ARHGEF12: variants seen among roughly 807,000 people sequenced by gnomAD.
The protein encoded by ARHGEF12 is Rho guanine nucleotide exchange factor 12.
Under a neutral mutation model 211.2 loss-of-function variants are expected in ARHGEF12, and 66 were observed. The ratio of observed to expected loss-of-function variants is 0.31; its 90% confidence interval spans 0.26 to 0.38. The LOEUF is 0.38. ARHGEF12 is among the 10% of genes least tolerant of loss of function. The pLI, the probability that ARHGEF12 is intolerant of heterozygous loss-of-function variation, is 1.00. For synonymous variants in ARHGEF12, 592 were observed against 638.4 expected, an observed-to-expected ratio of 0.93 and a Z score of 1.09; for missense variants, 1,429 against 1,869.5, an observed-to-expected ratio of 0.76 and a Z score of 4.34.
chr11:120,360,145 C>T (rs1943239921), intron 1 of ARHGEF12, among the ~76,000 whole-genome samples: 1 of 152,004 alleles, frequency 6.6e-6, no homozygotes, highest in South Asian at 2.1e-4. Flanking sequence ...CTAAAGTGGA[C>T]ATTTCAGGCT....
chr11:120,403,597 C>T (rs1017695785), intron 1 of ARHGEF12, among the ~76,000 whole-genome samples: 3 of 151,550 alleles, frequency 2.0e-5, no homozygotes, highest in Non-Finnish European at 4.4e-5. Flanking sequence ...AATCATCGTT[C>T]TTCATTTTGG....
chr11:120,374,817 T>C (rs904505395), intron 1 of ARHGEF12, among the ~76,000 whole-genome samples: 2 of 152,214 alleles, frequency 1.3e-5, no homozygotes, highest in South Asian at 2.1e-4. Context: ...ATTCATTACA[T>C]TGAGTCATAC....
intron 1 of ARHGEF12, among the ~76,000 whole-genome samples, chr11:120,380,523 C>T (rs1043445149): frequency 2.0e-5 from 3 of 152,140 alleles, no homozygotes; most frequent in African/African-American, 4.8e-5. Context: ...TTGTAGAATG[C>T]CCCCCAGTCT....
intron 23 of ARHGEF12, 52 bp from the exon 24 acceptor site, chr11:120,457,669 G>T: frequency 1.4e-6 from 2 of 1,440,450 alleles, no homozygotes; most frequent in Non-Finnish European, 1.9e-6. Context: ...TGGTATAAAT[G>T]TATTGATCAC....
chr11:120,383,946 A>G (rs1246251787), intron 1 of ARHGEF12, among the ~76,000 whole-genome samples: 1 of 152,156 alleles, frequency 6.6e-6, no homozygotes, highest in East Asian at 1.9e-4. Context: ...GTTGGCTTCA[A>G]GTTCTAAGCT....
At chr11:120,367,801 T>C (rs968418312) in intron 1 of ARHGEF12, among the ~76,000 whole-genome samples, 16 of 152,138 alleles carry the variant, frequency 1.1e-4, no homozygotes, top group Non-Finnish European at 1.8e-4. Context: ...TGAGACCCTG[T>C]CTCTACAAAG....
intron 15 of ARHGEF12, among the ~76,000 whole-genome samples, chr11:120,442,996 T>G (rs573700708): frequency 6.6e-6 from 1 of 151,814 alleles, no homozygotes; most frequent in Non-Finnish European, 1.5e-5. Flanking sequence ...CTCTACTCTT[T>G]CTCCTGATGC....
At chr11:120,384,973 G>A (rs527387774) in intron 1 of ARHGEF12, among the ~76,000 whole-genome samples, 45 of 151,692 alleles carry the variant, frequency 3.0e-4, no homozygotes, top group African/African-American at 1.1e-3. Flanking sequence ...GGTATTTGAG[G>A]GACTCCATTT....
At chr11:120,437,183 A>C in intron 11 of ARHGEF12, 125 bp from the exon 12 acceptor site, 2 of 578,458 alleles carry the variant, frequency 3.5e-6, no homozygotes, top group South Asian at 6.4e-5. Context: ...GCATTTTACG[A>C]AAGATATTTA....
intron 4 of ARHGEF12, 25 bp from the exon 5 acceptor site, chr11:120,420,728 G>C (rs1402384207): frequency 6.3e-7 from 1 of 1,588,736 alleles, no homozygotes. Context: ...CTTCCTTCTT[G>C]TTTTACACTG....
chr11:120,479,157 GT>G (rs1947155775), intron 37 of ARHGEF12, among the ~76,000 whole-genome samples: 1 of 152,122 alleles, frequency 6.6e-6, no homozygotes, highest in Non-Finnish European at 1.5e-5. Context: ...TTAGAGAGAG[GT>G]TAGGAAGAGA....
At chr11:120,409,988 A>G (rs893170635) in intron 4 of ARHGEF12, 2 of 152,246 alleles carry the variant, frequency 1.3e-5, no homozygotes, top group Non-Finnish European at 2.9e-5. Context: ...GATGGCAAAA[A>G]TACGTAAGTA....
In ARHGEF12 at chr11:120,449,134, G is replaced by C; in HGVS notation, c.1763G>C (p.Gly588Ala). Reference sequence around the variant, plus strand: ...CAAAGTATGAAGAAAGATAAAGAAGGGGAAGAAAAAGGGAAGCGAAGAGGA... The same window carrying C: ...CAAAGTATGAAGAAAGATAAAGAAGCGGAAGAAAAAGGGAAGCGAAGAGGA... The part of the protein sequence containing the change: ...IKQSMKKDKE[G>A]EEKGKRRGFP... The change falls in exon 21 of 41, where the codon GGG becomes GCG. Residue 588 changes from glycine to alanine, a missense_variant. Physicochemically the swap from Gly to Ala is moderately conservative, Grantham distance 60 (BLOSUM62 0). Coordinates refer to ENST00000397843, the MANE Select transcript of ARHGEF12 (RefSeq NM_015313.3). 1 of 1,614,032 alleles carries C rather than the reference G, an allele frequency of 6.2e-7. No homozygotes were observed. The highest frequency in any genetic ancestry group is 8.5e-7 in the Non-Finnish European group (1 of 1,179,968).
At chr11:120,436,420 G>C (rs76710092) in intron 11 of ARHGEF12, among the ~76,000 whole-genome samples, 1 of 152,066 alleles carries the variant, frequency 6.6e-6, no homozygotes, top group East Asian at 1.9e-4. Context: ...ATTGGCACTC[G>C]TTAGGTCTCT....
rs185246552 is a variant in ARHGEF12, at chr11:120,419,279, T to G, written c.200-1474T>G. 2.0e-3 allele frequency among the ~76,000 whole-genome samples: 298 copies of G among 152,222 alleles called. 2 individuals are homozygous for G. Among genetic ancestry groups the G allele is most frequent in the Admixed American group, 4.2e-3 (64 of 15,292 alleles). ...CATTTTCTTACCAGTGTCTTTAGAA[T>G]AGCAAATGTTTTAAATTTTTGTCCA... On this transcript the variant is annotated intron_variant, in intron 4 of 40. Coordinates refer to ENST00000397843, the MANE Select transcript of ARHGEF12 (RefSeq NM_015313.3).
chr11:120,344,779 G>A (rs1297192247), intron 1 of ARHGEF12, among the ~76,000 whole-genome samples: 11 of 152,180 alleles, frequency 7.2e-5, no homozygotes. Flanking sequence ...GAGATCTTAG[G>A]ATGAAAAGTA....
intron 1 of ARHGEF12, among the ~76,000 whole-genome samples, chr11:120,370,471 A>G (rs1381538359): frequency 4.6e-5 from 7 of 152,008 alleles, no homozygotes; most frequent in African/African-American, 1.7e-4. Context: ...CTTTTTCCAT[A>G]TGAATTTTGG....
At chr11:120,341,357 GGTTTTTTTT>G (rs2135234586) in intron 1 of ARHGEF12, among the ~76,000 whole-genome samples, 2 of 58,056 alleles carry the variant, frequency 3.4e-5, no homozygotes, top group East Asian at 6.8e-4. Context: ...CGAGCCCAGT[GGTTTTTTTT>G]GTTGTTGCTG....
intron 1 of ARHGEF12, among the ~76,000 whole-genome samples, chr11:120,397,482 A>T (rs542215359): frequency 6.6e-6 from 1 of 152,340 alleles, no homozygotes; most frequent in South Asian, 2.1e-4. Context: ...TTGGGTTACA[A>T]GGATATTTGT....
Sources: allele counts gnomAD v4.1 joint callset (sites outside exome capture counted in the v4.1 genomes callset), GRCh38; gene constraint gnomAD v4.1.1; transcripts MANE v1.5; gene names NCBI Gene and HGNC (gene_info 2026-07-23, HGNC 2026-07-21).